The following RCN2 variants were observed in gnomAD, a reference collection of about 807,000 sequenced individuals.
The protein encoded by RCN2 is reticulocalbin 2, also known as reticulocalbin-2.
In RCN2, 23 loss-of-function variants were observed where a neutral mutation model predicts 37.5. That is an observed-to-expected ratio of 0.61 (90% CI 0.44 to 0.87). The LOEUF is 0.87. Among genes scored for constraint, RCN2 ranks in the 40% least tolerant of loss-of-function variants. The pLI is 0.00. For missense variants in RCN2, 381 were observed against 390.4 expected (o/e 0.98, Z 0.20); for synonymous variants, 140 against 144.6 (o/e 0.97, Z 0.23).
At chr15:76,944,109 C>T (rs1164935356) in intron 4 of RCN2, among the ~76,000 whole-genome samples, 1 of 150,214 alleles carries the variant, frequency 6.7e-6, no homozygotes, top group Non-Finnish European at 1.5e-5. Context: ...TCTCCTGCCT[C>T]AGCCTCTCTG....
chr15:76,949,516 CA>C lies in RCN2; in HGVS notation c.*295del, dbSNP rs2075310572. On this transcript the variant is annotated 3_prime_UTR_variant, in exon 7 of 7. Transcript: ENST00000394885. ...TTGTGGAATATTTGAGTTCTATTTCCATACTTGAAAACATGGAGGATTTTAG... is the reference window on the plus strand; with the variant it reads ...TTGTGGAATATTTGAGTTCTATTTCCTACTTGAAAACATGGAGGATTTTAG... The C allele has an allele frequency of 5.1e-6, 1 of 197,840 alleles. No homozygotes were observed. Among genetic ancestry groups the C allele is most frequent in the Admixed American group, 6.0e-5 (1 of 16,694 alleles). 12.3% of individuals were successfully genotyped at this position (197,840 alleles called of 1,614,324 possible). A position where few individuals can be genotyped will look rare whatever the true frequency, so the allele number is the denominator to read the frequency against.
At chr15:76,946,404 G>C (rs889841608) in intron 4 of RCN2, among the ~76,000 whole-genome samples, 1 of 151,616 alleles carries the variant, frequency 6.6e-6, no homozygotes, top group African/African-American at 2.4e-5. Context: ...CACTATTATT[G>C]TGCCACTGCT....
rs1372620992 is a variant in RCN2 at position 76,949,173 on chromosome 15, A to T, written c.905A>T (p.Asp302Val). Residue 302 changes from aspartate to valine, a missense_variant, in exon 7 of 7, where the codon GAT becomes GTT. Asp to Val is a radical substitution (Grantham distance 152). Coordinates refer to ENST00000394885, the MANE Select transcript of RCN2 (RefSeq NM_002902.3). Reference protein sequence around the residue: ...PDLFLTSEATDYGRQLHDDYF... With the variant: ...PDLFLTSEATVYGRQLHDDYF... ...TTGTTTCTCACCAGTGAAGCCACAG[A>T]TTATGGCAGACAGCTCCATGATGAC... 1.9e-6 allele frequency: 3 copies of T among 1,613,200 alleles called. No individual in the cohort carries two copies. Among genetic ancestry groups the T allele is most frequent in the Non-Finnish European group, 2.5e-6 (3 of 1,179,630 alleles).
chr15:76,942,513 G>A (rs1048815846), intron 3 of RCN2: 11 of 152,174 alleles, frequency 7.2e-5, no homozygotes, highest in African/African-American at 2.7e-4. Flanking sequence ...TTTTAAAAAG[G>A]GGGGTGGATG....
intron 4 of RCN2, among the ~76,000 whole-genome samples, chr15:76,945,141 C>CT (rs1165136095): frequency 1.3e-5 from 2 of 152,152 alleles, no homozygotes; most frequent in African/African-American, 4.8e-5. Flanking sequence ...GACGAAGTTG[C>CT]TTATTGGGAG....
In RCN2 at chr15:76,950,857, C is replaced by T. The variant is rs940737309; in HGVS notation, c.*1635C>T. On this transcript the variant is annotated 3_prime_UTR_variant, in exon 7 of 7. Transcript: ENST00000394885. ...TGAAACTCTTCTCTGATAGAATCGA[C>T]TGCACCTATATACCTCTCTACTGCC... is the stretch of plus-strand genomic sequence containing the variant. 1 of 152,218 alleles carries T rather than the reference C, an allele frequency of 6.6e-6. No individual in the cohort carries two copies. The highest frequency in any genetic ancestry group is 2.4e-5 in the African/African-American group (1 of 41,450). 9.4% of individuals were successfully genotyped at this position (152,218 alleles called of 1,614,324 possible).
At chr15:76,948,116 T>C (rs2075303815) in intron 5 of RCN2, 1 of 227,238 alleles carries the variant, frequency 4.4e-6, no homozygotes, top group Non-Finnish European at 8.5e-6. Flanking sequence ...AGTAAAACAT[T>C]ACCCACCTCA....
At chr15:76,939,445 A>G (rs1359427939) in intron 3 of RCN2, among the ~76,000 whole-genome samples, 1 of 152,130 alleles carries the variant, frequency 6.6e-6, no homozygotes, top group Non-Finnish European at 1.5e-5. Context: ...TTTGTTAACT[A>G]TCAGCTTTAG....
At chr15:76,941,722 G>T in intron 3 of RCN2, 1 of 1,202,282 alleles carries the variant, frequency 8.3e-7, no homozygotes, top group Non-Finnish European at 1.1e-6. Context: ...TTCTTCAAAT[G>T]GCCGTGAAAT....
intron 2 of RCN2, among the ~76,000 whole-genome samples, chr15:76,934,828 G>T (rs79299698): frequency 0.015 from 2,215 of 152,200 alleles, 30 homozygotes; most frequent in East Asian, 0.044. Flanking sequence ...CTTCCTGAGA[G>T]ATCTGTGGTA....
At chr15:76,937,028 A>C (rs1243716436) in intron 3 of RCN2, among the ~76,000 whole-genome samples, 1 of 152,194 alleles carries the variant, frequency 6.6e-6, no homozygotes, top group Non-Finnish European at 1.5e-5. Flanking sequence ...AAGTAGAATC[A>C]TACGCCGTAT....
intron 2 of RCN2, among the ~76,000 whole-genome samples, chr15:76,934,827 A>T (rs2075239860): frequency 6.6e-6 from 1 of 152,196 alleles, no homozygotes; most frequent in Admixed American, 6.5e-5. Context: ...GCTTCCTGAG[A>T]GATCTGTGGT....
At chr15:76,938,595 TAAAC>T in intron 3 of RCN2, 3 of 398,072 alleles carry the variant, frequency 7.5e-6, no homozygotes, top group South Asian at 5.2e-5. Flanking sequence ...CTGTACCTGT[TAAAC>T]AACACCCCAT....
In RCN2 at chr15:76,931,950, A is replaced by G. The variant is rs959333815; in HGVS notation, c.109A>G (p.Ser37Gly). ...GCACTACCCGCTGGGCGAGCGCCGC[A>G]GCGACTACGACCGCGAGGCGCTGCT... ...ELHYPLGERR[S>G]DYDREALLGV... Residue 37 changes from serine (S) to glycine (G), a missense_variant, in exon 1 of 7, where the codon AGC becomes GGC. Physicochemically the swap from Ser to Gly is moderately conservative, Grantham distance 56 (BLOSUM62 0). Coordinates refer to ENST00000394885, the MANE Select transcript of RCN2 (RefSeq NM_002902.3). 2.2e-4 allele frequency: 286 copies of G among 1,286,790 alleles called. No homozygotes were observed. Among genetic ancestry groups the G allele is most frequent in the Non-Finnish European group, 2.5e-4 (259 of 1,021,702 alleles). The allele number at this position is 1,286,790 out of a possible 1,614,324, so 79.7% of individuals were successfully genotyped here. A position where few individuals can be genotyped will look rare whatever the true frequency, so the allele number is the denominator to read the frequency against.
chr15:76,944,413 A>T (rs2075288850), intron 4 of RCN2, among the ~76,000 whole-genome samples: 1 of 152,112 alleles, frequency 6.6e-6, no homozygotes, highest in South Asian at 2.1e-4. Context: ...TAAAATGTAT[A>T]ATTAGTTACT....
Position 76,935,680 on chromosome 15 carries a change from G to A in RCN2, c.405G>A (p.Glu135=), listed in dbSNP as rs1166872991. 6.2e-7 allele frequency: 1 copy of A among 1,613,904 alleles called. No homozygotes were observed. Among genetic ancestry groups the A allele is most frequent in the African/African-American group, 1.3e-5 (1 of 74,944 alleles). Residue 135 remains glutamate, a synonymous_variant, in exon 3 of 7, where the codon GAG becomes GAA. Transcript: ENST00000394885. ...ATGATCGTGTGATTGACTTTGATGAGAACACTGCTCTGGATGATGCAGAAG... is the reference window on the plus strand; with the variant it reads ...ATGATCGTGTGATTGACTTTGATGAAAACACTGCTCTGGATGATGCAGAAG... ...QMYDRVIDFD[E]NTALDDAEEE... is the part of the protein sequence containing the mutation.
intron 5 of RCN2, 53 bp from the exon 6 acceptor site, chr15:76,948,356 AT>A: frequency 7.7e-7 from 1 of 1,291,782 alleles, no homozygotes; most frequent in Non-Finnish European, 1.1e-6. Context: ...CAAACTTCTT[AT>A]TGGATACATG....
In RCN2 at chr15:76,951,302, C is replaced by T. The variant is rs149401623; in HGVS notation, c.*2080C>T. 3 of 152,336 alleles carry T rather than the reference C, an allele frequency of 2.0e-5. No individual in the cohort carries two copies. Among genetic ancestry groups the T allele is most frequent in the African/African-American group, 7.2e-5 (3 of 41,572 alleles). 9.4% of individuals were successfully genotyped at this position (152,336 alleles called of 1,614,324 possible). A position where few individuals can be genotyped will look rare whatever the true frequency, so the allele number is the denominator to read the frequency against. ...GGGTGGAAGTAGTGTGTGTCACTAT[C>T]AGACTATCTCATGACAAACCCTTTT... On this transcript the variant is annotated 3_prime_UTR_variant, in exon 7 of 7. Transcript: ENST00000394885.
At chr15:76,935,778 C>G (rs755657979) in intron 3 of RCN2, 56 bp downstream of exon 3, 142 of 1,367,094 alleles carry the variant, frequency 1.0e-4, no homozygotes, top group Non-Finnish European at 1.3e-4. Flanking sequence ...CTTTACCTTC[C>G]TGCATGAATG....
Sources: allele counts gnomAD v4.1 joint callset (sites outside exome capture counted in the v4.1 genomes callset), GRCh38; gene constraint gnomAD v4.1.1; transcripts MANE v1.5; gene names NCBI Gene and HGNC (gene_info 2026-07-23, HGNC 2026-07-21).